The following MAF variants were observed in gnomAD, a reference collection of about 807,000 sequenced individuals.
The protein encoded by MAF is transcription factor Maf.
Under a neutral mutation model 22.0 loss-of-function variants are expected in MAF, and 10 were observed. The ratio of observed to expected loss-of-function variants is 0.45; its 90% confidence interval spans 0.28 to 0.77. The LOEUF is 0.77. Ranked by LOEUF, MAF falls within the 30% of genes least tolerant of loss-of-function variation. The probability of loss-of-function intolerance (pLI) is 0.12; values close to 1 mark genes in which losing one functional copy is unlikely to be tolerated. For synonymous variants in MAF, 337 were observed against 255.8 expected, an observed-to-expected ratio of 1.32 and a Z score of -3.03; for missense variants, 544 against 548.4, an observed-to-expected ratio of 0.99 and a Z score of 0.08.
the MAF span, among the ~76,000 whole-genome samples, chr16:79,254,436 T>C: frequency 6.6e-6 from 1 of 152,228 alleles, no homozygotes; most frequent in Non-Finnish European, 1.5e-5. Context: ...TATTAAGCAT[T>C]TGTTTGCAAT....
chr16:79,531,761 G>A, the MAF span, among the ~76,000 whole-genome samples: 39 of 152,212 alleles, frequency 2.6e-4, no homozygotes, highest in South Asian at 1.9e-3. Flanking sequence ...CTTCACCCAC[G>A]CACTCATCAC....
chr16:79,416,115 G>C, the MAF span, among the ~76,000 whole-genome samples: 1,825 of 152,246 alleles, frequency 0.012, 16 homozygotes, highest in Non-Finnish European at 0.02. Context: ...CAGCTGCTGT[G>C]TGTGCCCCTA....
chr16:79,310,980 C>T, the MAF span, among the ~76,000 whole-genome samples: 30 of 151,466 alleles, frequency 2.0e-4, no homozygotes, highest in Admixed American at 4.6e-4. Context: ...CCCAGGAGCG[C>T]GAGCTTCCAC....
At chr16:79,350,544 C>T in the MAF span, among the ~76,000 whole-genome samples, 1 of 152,180 alleles carries the variant, frequency 6.6e-6, no homozygotes, top group Non-Finnish European at 1.5e-5. Context: ...CACCTGACTG[C>T]GTACTCAACA....
At chr16:79,452,087 T>C in the MAF span, among the ~76,000 whole-genome samples, 2 of 152,232 alleles carry the variant, frequency 1.3e-5, no homozygotes, top group Admixed American at 6.5e-5. Context: ...ATATGGTCTC[T>C]GATTGCTTTT....
chr16:79,412,691 G>A, the MAF span, among the ~76,000 whole-genome samples: 6 of 152,200 alleles, frequency 3.9e-5, no homozygotes, highest in African/African-American at 1.2e-4. Context: ...CGCAGTTCCT[G>A]TAGATAGGCT....
the MAF span, among the ~76,000 whole-genome samples, chr16:79,568,115 G>T: frequency 6.6e-6 from 1 of 152,164 alleles, no homozygotes; most frequent in East Asian, 1.9e-4. Flanking sequence ...GGGGGTGGGG[G>T]AAGAGGGAGT....
At chr16:79,551,587 C>G in the MAF span, among the ~76,000 whole-genome samples, 725 of 152,270 alleles carry the variant, frequency 4.8e-3, 4 homozygotes, top group African/African-American at 0.016. Flanking sequence ...CTGTGCCTCC[C>G]TGGATTGTAT....
Position 79,600,574 on chromosome 16 carries a change from G to A in MAF, c.-672C>T, listed in dbSNP as rs1597850627. 5.1e-6 allele frequency: 1 copy of A among 196,246 alleles called. No homozygotes were observed. Among genetic ancestry groups the A allele is most frequent in the East Asian group, 9.0e-5 (1 of 11,118 alleles). 12.2% of individuals were successfully genotyped at this position (196,246 alleles called of 1,614,324 possible). ...GCAGCCCGACTGGAGGAGAGGGAGG[G>A]GGGAGTTTAGTTCTTTCTTGCCTTT... On this transcript the variant is annotated 5_prime_UTR_variant, in exon 1 of 2. Coordinates refer to ENST00000326043, the MANE Select transcript of MAF (RefSeq NM_005360.5).
At chr16:79,523,824 T>G in the MAF span, among the ~76,000 whole-genome samples, 1 of 152,218 alleles carries the variant, frequency 6.6e-6, no homozygotes, top group Non-Finnish European at 1.5e-5. Flanking sequence ...ATGGATAGAT[T>G]CAGTTCCACA....
chr16:79,211,224 G>A, the MAF span, among the ~76,000 whole-genome samples: 3 of 152,082 alleles, frequency 2.0e-5, no homozygotes, highest in East Asian at 1.9e-4. Flanking sequence ...ATTTGGTATC[G>A]AATTACATTA....
downstream of MAF, among the ~76,000 whole-genome samples, chr16:79,582,891 C>G (rs1051961756): frequency 2.0e-5 from 3 of 152,164 alleles, no homozygotes; most frequent in African/African-American, 7.2e-5. Flanking sequence ...GGGGGGCCTT[C>G]AGTGAAGATG....
chr16:79,265,718 T>C, the MAF span, among the ~76,000 whole-genome samples: 1 of 152,220 alleles, frequency 6.6e-6, no homozygotes, highest in Admixed American at 6.5e-5. Context: ...CAGCACACAA[T>C]GTTTTTCCTA....
the MAF span, among the ~76,000 whole-genome samples, chr16:79,395,318 C>T: frequency 1.3e-4 from 20 of 152,194 alleles, no homozygotes; most frequent in Middle Eastern, 6.8e-3. Flanking sequence ...GTTTTAGATC[C>T]CACAGTGAGG....
chr16:79,300,814 T>C, the MAF span, among the ~76,000 whole-genome samples: 1 of 152,120 alleles, frequency 6.6e-6, no homozygotes, highest in Non-Finnish European at 1.5e-5. Context: ...GTTTTTTTAT[T>C]GTTTTTAAGA....
chr16:79,455,091 C>T, the MAF span, among the ~76,000 whole-genome samples: 3 of 150,056 alleles, frequency 2.0e-5, no homozygotes, highest in Non-Finnish European at 4.4e-5. Flanking sequence ...AGCGAAACTC[C>T]GTCTTAAAAA....
chr16:79,288,708 G>T, the MAF span, among the ~76,000 whole-genome samples: 196 of 152,302 alleles, frequency 1.3e-3, no homozygotes, highest in Admixed American at 2.5e-3. Context: ...GGACATTCCA[G>T]GTGGAAGAGA....
At chr16:79,561,824 G>C in the MAF span, among the ~76,000 whole-genome samples, 1 of 152,164 alleles carries the variant, frequency 6.6e-6, no homozygotes, top group Non-Finnish European at 1.5e-5. Flanking sequence ...TGTTTGACAG[G>C]AATGACCTCC....
the MAF span, among the ~76,000 whole-genome samples, chr16:79,485,105 G>C: frequency 6.6e-6 from 1 of 152,154 alleles, no homozygotes; most frequent in Non-Finnish European, 1.5e-5. Context: ...TTTAGCATGA[G>C]ACGTGGTATA....
Sources: gnomAD v4.1 joint callset for allele counts (sites outside exome capture counted in the v4.1 genomes callset) on GRCh38, gnomAD v4.1.1 for gene constraint, MANE v1.5 for transcripts, NCBI Gene and HGNC (gene_info 2026-07-23, HGNC 2026-07-21) for gene names.